AFMID: variants seen among roughly 807,000 people sequenced by gnomAD.
The protein encoded by AFMID is kynurenine formamidase.
A neutral mutation model predicts 47.5 loss-of-function variants in AFMID; 39 were observed. That is an observed-to-expected ratio of 0.82 (90% CI 0.64 to 1.07). The LOEUF (loss-of-function observed/expected upper bound fraction) is 1.07. Among genes scored for constraint, AFMID ranks in the 50% least tolerant of loss-of-function variants. The pLI is 0.00. For synonymous variants in AFMID, 130 were observed against 153.2 expected, an observed-to-expected ratio of 0.85 and a Z score of 1.12; for missense variants, 375 against 387.5, an observed-to-expected ratio of 0.97 and a Z score of 0.27.
Position 78,202,569 on chromosome 17 carries a change from A to G in AFMID, c.225A>G (p.Lys75=), listed in dbSNP as rs778640696. ...HVPYGDGEGE[K]VDIYFPDESS... ...CCTATGGAGACGGCGAAGGGGAGAAAGTGGACATTTACTTCCCCGACGAGT... is the reference window on the plus strand; with the variant it reads ...CCTATGGAGACGGCGAAGGGGAGAAGGTGGACATTTACTTCCCCGACGAGT... The change falls in exon 3 of 11, where the codon AAA becomes AAG. Residue 75 remains lysine, a synonymous_variant. Transcript: ENST00000409257. 7 of 1,613,332 alleles carry G rather than the reference A, an allele frequency of 4.3e-6. No individual in the cohort carries two copies. The African/African-American group carries it at 9.4e-5, about 22-fold the overall frequency.
At chr17:78,189,381 C>T (rs2145841257) in intron 1 of AFMID, among the ~76,000 whole-genome samples, 1 of 151,850 alleles carries the variant, frequency 6.6e-6, no homozygotes, top group Middle Eastern at 3.4e-3. Flanking sequence ...CGCCACCATG[C>T]CCAGCTAATT....
At chr17:78,205,413 C>T in intron 7 of AFMID, 27 bp from the exon 8 acceptor site, 1 of 1,612,166 alleles carries the variant, frequency 6.2e-7, no homozygotes, top group Non-Finnish European at 8.5e-7. Context: ...TGGAGCCTGG[C>T]CCTGTGACAA....
intron 1 of AFMID, among the ~76,000 whole-genome samples, chr17:78,187,960 CAAAAAAAAAAAAAAAA>C (rs34018698): frequency 2.3e-4 from 13 of 56,662 alleles, no homozygotes; most frequent in Admixed American, 8.7e-4. Context: ...GACTTAGTCT[CAAAAAAAAAAAAAAAA>C]AAAAAAAAAA....
At chr17:78,197,226 C>T (rs1455867709) in intron 2 of AFMID, 1 of 1,550,302 alleles carries the variant, frequency 6.5e-7, no homozygotes, top group East Asian at 2.4e-5. Flanking sequence ...ATTGTCTTCA[C>T]ACTGTGCTGG....
chr17:78,206,657 CTCCTTCA>C (rs2076392167), intron 10 of AFMID, among the ~76,000 whole-genome samples: 1 of 151,512 alleles, frequency 6.6e-6, no homozygotes, highest in Non-Finnish European at 1.5e-5. Flanking sequence ...TTCCTCCTTC[CTCCTTCA>C]TCTTCTTTCT....
intron 2 of AFMID, among the ~76,000 whole-genome samples, chr17:78,196,111 C>G (rs1282701515): frequency 6.6e-6 from 1 of 152,198 alleles, no homozygotes; most frequent in Non-Finnish European, 1.5e-5. Context: ...TCCCTGTAAT[C>G]CCAGCACTTT....
At chr17:78,193,918 G>A (rs150052363) in intron 2 of AFMID, among the ~76,000 whole-genome samples, 28,591 of 150,026 alleles carry the variant, frequency 0.19, 3,328 homozygotes, top group Non-Finnish European at 0.26. Context: ...GGAGCTTGCA[G>A]TGAGCTGAGA....
rs774729263 is a variant in AFMID, at chr17:78,197,126, TTAATC to T, written c.155-5370_155-5366del. On this transcript the variant is annotated intron_variant, in intron 2 of 10. Transcript: ENST00000409257. ...TGTTTTTCTTAATCGTAGCACAACT[TTAATC>T]TAGTCCATTTATAGGCTTGAGAACT... 1.4e-5 allele frequency: 21 copies of T among 1,546,142 alleles called. No homozygotes were observed. The South Asian group carries it at 2.3e-4, about 17-fold the overall frequency.
At chr17:78,195,314 C>A (rs1182746453) in intron 2 of AFMID, among the ~76,000 whole-genome samples, 2 of 151,886 alleles carry the variant, frequency 1.3e-5, no homozygotes, top group Non-Finnish European at 2.9e-5. Context: ...TGTGCCTCAG[C>A]TGCCCGAATA....
chr17:78,188,776 T>G (rs2075876958), intron 1 of AFMID, among the ~76,000 whole-genome samples: 1 of 152,114 alleles, frequency 6.6e-6, no homozygotes, highest in Non-Finnish European at 1.5e-5. Context: ...TTTTTGTATT[T>G]TTAGTAGAGA....
intron 2 of AFMID, among the ~76,000 whole-genome samples, chr17:78,199,157 G>C (rs2145865487): frequency 6.6e-6 from 1 of 152,374 alleles, no homozygotes; most frequent in East Asian, 1.9e-4. Flanking sequence ...TGCAAAGGCA[G>C]CTTCCTGCCT....
chr17:78,193,725 C>T (rs967436907), intron 2 of AFMID, among the ~76,000 whole-genome samples: 1 of 152,000 alleles, frequency 6.6e-6, no homozygotes, highest in African/African-American at 2.4e-5. Flanking sequence ...CGCATGTAAT[C>T]CCAGCACTTT....
intron 2 of AFMID, among the ~76,000 whole-genome samples, chr17:78,191,856 A>C (rs1278471897): frequency 6.6e-6 from 1 of 151,520 alleles, no homozygotes; most frequent in African/African-American, 2.4e-5. Context: ...CACCCAGCTG[A>C]TTTTTGTATT....
chr17:78,201,288 C>T (rs1329200267), intron 2 of AFMID, among the ~76,000 whole-genome samples: 8 of 144,550 alleles, frequency 5.5e-5, no homozygotes, highest in African/African-American at 1.5e-4. Flanking sequence ...AGCAAGACTC[C>T]GTCGCAAAAA....
At chr17:78,194,413 G>A (rs16970909) in intron 2 of AFMID, among the ~76,000 whole-genome samples, 4 of 151,772 alleles carry the variant, frequency 2.6e-5, no homozygotes, top group African/African-American at 9.7e-5. Context: ...GCCACACTTT[G>A]CCTTCTTTGC....
At chr17:78,201,120 C>A (rs1019216147) in intron 2 of AFMID, among the ~76,000 whole-genome samples, 1 of 151,850 alleles carries the variant, frequency 6.6e-6, no homozygotes, top group Non-Finnish European at 1.5e-5. Flanking sequence ...CTTCAGCCTC[C>A]CGAGTAGCCG....
chr17:78,204,613 T>C, intron 4 of AFMID, 43 bp from the exon 5 acceptor site: 3 of 1,599,110 alleles, frequency 1.9e-6, no homozygotes, highest in Non-Finnish European at 2.6e-6. Flanking sequence ...AGCAGCGTAG[T>C]GGCCAAGCTG....
intron 7 of AFMID, 53 bp downstream of exon 7, chr17:78,205,243 T>G: frequency 6.5e-7 from 1 of 1,540,212 alleles, no homozygotes; most frequent in South Asian, 1.1e-5. Context: ...CCCATGAGCC[T>G]TGGGGTTTGG....
intron 2 of AFMID, 121 bp from the exon 3 acceptor site, chr17:78,202,378 G>A (rs889448974): frequency 2.8e-5 from 25 of 908,990 alleles, no homozygotes; most frequent in African/African-American, 6.6e-5. Context: ...GCAGTGAGCC[G>A]AGATCGCGCC....
Sources: allele counts gnomAD v4.1 joint callset (sites outside exome capture counted in the v4.1 genomes callset), GRCh38; gene constraint gnomAD v4.1.1; transcripts MANE v1.5; gene names NCBI Gene and HGNC (gene_info 2026-07-23, HGNC 2026-07-21).